KCNIP4: variants seen among roughly 807,000 people sequenced by gnomAD.
KCNIP4 encodes the protein Kv channel-interacting protein 4.
KCNIP4 carries 12 observed loss-of-function variants against 34.0 expected under a neutral mutation model. That is an observed-to-expected ratio of 0.35 (90% confidence interval 0.23 to 0.57). The LOEUF is 0.57. Ranked by LOEUF, KCNIP4 falls within the 20% of genes least tolerant of loss-of-function variation. KCNIP4 has a pLI of 0.83. For synonymous variants in KCNIP4, 124 were observed against 102.2 expected (o/e 1.21, Z -1.29); for missense variants, 238 against 311.7 (o/e 0.76, Z 1.78).
intron 1 of KCNIP4, among the ~76,000 whole-genome samples, chr4:21,664,918 T>C (rs908696350): frequency 6.6e-6 from 1 of 152,220 alleles, no homozygotes; most frequent in Non-Finnish European, 1.5e-5. Context: ...ATTTGGTACT[T>C]CTTTAATTTT....
At chr4:21,618,792 C>G (rs574366206) in intron 1 of KCNIP4, among the ~76,000 whole-genome samples, 95 of 151,694 alleles carry the variant, frequency 6.3e-4, no homozygotes, top group Non-Finnish European at 8.1e-4. Context: ...GCCACCACGC[C>G]CTGCTAATTT....
At chr4:20,798,190 GAC>G (rs1713728559) in intron 3 of KCNIP4, among the ~76,000 whole-genome samples, 1 of 152,142 alleles carries the variant, frequency 6.6e-6, no homozygotes, top group Admixed American at 6.5e-5. Flanking sequence ...TCACCTTAAA[GAC>G]TATGTTATCA....
At chr4:21,093,659 G>A (rs980323454) in intron 1 of KCNIP4, among the ~76,000 whole-genome samples, 1 of 152,032 alleles carries the variant, frequency 6.6e-6, no homozygotes, top group Non-Finnish European at 1.5e-5. Flanking sequence ...GATACTATAT[G>A]GGCTAATGAT....
intron 1 of KCNIP4, among the ~76,000 whole-genome samples, chr4:21,920,036 A>G (rs902057975): frequency 1.3e-5 from 2 of 152,234 alleles, no homozygotes; most frequent in African/African-American, 4.8e-5. Flanking sequence ...AGCAAAGATG[A>G]TGATCAAGTC....
intron 1 of KCNIP4, chr4:21,844,128 C>A (rs1261232653): frequency 3.3e-5 from 5 of 151,904 alleles, no homozygotes; most frequent in Non-Finnish European, 7.4e-5. Flanking sequence ...ATGAATGAGT[C>A]AAGAATCATG....
At chr4:21,697,316 TAAAAAAAAAAAAAAA>T in intron 1 of KCNIP4, 1 of 1,224,014 alleles carries the variant, frequency 8.2e-7, no homozygotes, top group Non-Finnish European at 1.0e-6. Context: ...TAGCCTCTAC[TAAAAAAAAAAAAAAA>T]AAAAAAAAAA....
At chr4:21,806,246 T>A (rs1459279) in intron 1 of KCNIP4, among the ~76,000 whole-genome samples, 11,956 of 152,270 alleles carry the variant, frequency 0.079, 542 homozygotes, top group Middle Eastern at 0.14. Flanking sequence ...CATTGTGTCA[T>A]GTAGCATCAC....
intron 1 of KCNIP4, among the ~76,000 whole-genome samples, chr4:21,058,692 C>T (rs890369347): frequency 3.3e-5 from 5 of 151,982 alleles, no homozygotes; most frequent in African/African-American, 1.2e-4. Flanking sequence ...GAATTTTAAC[C>T]ATTCTTTGAT....
intron 1 of KCNIP4, among the ~76,000 whole-genome samples, chr4:20,908,279 C>T (rs1200262048): frequency 7.9e-5 from 12 of 152,080 alleles, no homozygotes; most frequent in African/African-American, 2.9e-4. Flanking sequence ...TTTGTATTTT[C>T]ACTAGAGGCA....
At chr4:20,805,954 G>C (rs895895371) in intron 3 of KCNIP4, among the ~76,000 whole-genome samples, 1 of 151,946 alleles carries the variant, frequency 6.6e-6, no homozygotes, top group Non-Finnish European at 1.5e-5. Context: ...TTTTCCTAAG[G>C]CATGCTGTGC....
intron 1 of KCNIP4, among the ~76,000 whole-genome samples, chr4:20,947,559 TCCTC>T (rs1732315324): frequency 6.6e-6 from 1 of 152,212 alleles, no homozygotes; most frequent in Non-Finnish European, 1.5e-5. Flanking sequence ...TTTCATTTCA[TCCTC>T]CTAGTACTTA....
chr4:20,864,119 CATGTATACACATGT>C (rs1437349719), intron 2 of KCNIP4, among the ~76,000 whole-genome samples: 1 of 135,286 alleles, frequency 7.4e-6, no homozygotes, highest in Non-Finnish European at 1.7e-5. Context: ...TATACATATC[CATGTATACACATGT>C]ATGTATACAT....
chr4:21,177,877 T>TATATATATATATATATA (rs1338439962), intron 1 of KCNIP4, among the ~76,000 whole-genome samples: 2 of 146,346 alleles, frequency 1.4e-5, no homozygotes, highest in African/African-American at 5.1e-5. Context: ...TATATATATA[T>TATATATATATATATATA]AAAATATAAC....
chr4:21,090,103 C>T (rs1232876672), intron 1 of KCNIP4, among the ~76,000 whole-genome samples: 2 of 152,176 alleles, frequency 1.3e-5, no homozygotes, highest in Non-Finnish European at 2.9e-5. Context: ...AAATCAGTAG[C>T]CCCTCTCCCC....
At chr4:20,902,390 G>A (rs1044738094) in intron 1 of KCNIP4, among the ~76,000 whole-genome samples, 1 of 152,098 alleles carries the variant, frequency 6.6e-6, no homozygotes, top group Non-Finnish European at 1.5e-5. Flanking sequence ...AGGGTCAGCT[G>A]AAAACAAGGA....
chr4:21,196,499 G>C (rs542911408), intron 1 of KCNIP4, among the ~76,000 whole-genome samples: 1 of 152,194 alleles, frequency 6.6e-6, no homozygotes, highest in Non-Finnish European at 1.5e-5. Flanking sequence ...CCTCATCTTA[G>C]CAAGACTTTC....
At chr4:21,072,188 T>G (rs1745007657) in intron 1 of KCNIP4, among the ~76,000 whole-genome samples, 1 of 152,216 alleles carries the variant, frequency 6.6e-6, no homozygotes, top group African/African-American at 2.4e-5. Flanking sequence ...AAATGGTATT[T>G]CTAGTTCTAG....
At position 21,291,863 on chromosome 4, in the gene KCNIP4, AAAAAAAAGAAAGAAAG is replaced by A. The variant is rs1474540616; in HGVS notation, c.62-409170_62-409155del. Among the ~76,000 whole-genome samples the A allele has an allele frequency of 3.0e-3, 213 of 71,592 alleles. 12 individuals carry two copies. The highest frequency in any genetic ancestry group is 0.016 in the Admixed American group (106 of 6,540). 47.0% of individuals were successfully genotyped at this position (71,592 alleles called of 152,430 possible). A position where few individuals can be genotyped will look rare whatever the true frequency, so the allele number is the denominator to read the frequency against. On this transcript the variant is annotated intron_variant, in intron 1 of 8. Transcript: ENST00000382152. ...AGTTAGACTCCGCCTCAAAAAAAAA[AAAAAAAAGAAAGAAAG>A]AAAGAAAGAAAGAAAGAAAGAAAGA...
At chr4:21,227,670 A>AAGAAC (rs1758498564) in intron 1 of KCNIP4, among the ~76,000 whole-genome samples, 1 of 151,514 alleles carries the variant, frequency 6.6e-6, no homozygotes, top group African/African-American at 2.4e-5. Flanking sequence ...TCCGCAGTTA[A>AAGAAC]AAAACAAAAC....
Sources: gnomAD v4.1 joint callset for allele counts (sites outside exome capture counted in the v4.1 genomes callset) on GRCh38, gnomAD v4.1.1 for gene constraint, MANE v1.5 for transcripts, NCBI Gene and HGNC (gene_info 2026-07-23, HGNC 2026-07-21) for gene names.